Variants in MAP2 observed in about 807,000 individuals in gnomAD.
MAP2 encodes the protein microtubule associated protein 2.
A neutral mutation model predicts 137.6 loss-of-function variants in MAP2; 14 were observed. The ratio of observed to expected loss-of-function variants is 0.10; its 90% CI spans 0.07 to 0.16. The LOEUF is 0.16. MAP2 is among the 10% of genes least tolerant of loss of function. MAP2 has a pLI of 1.00. For missense variants in MAP2, 2,088 were observed against 2,191.5 expected, an observed-to-expected ratio of 0.95 and a Z score of 0.94; for synonymous variants, 786 against 782.3, an observed-to-expected ratio of 1.00 and a Z score of -0.08.
At chr2:209,532,372 A>G (rs1014219980) in intron 2 of MAP2, among the ~76,000 whole-genome samples, 1 of 152,138 alleles carries the variant, frequency 6.6e-6, no homozygotes, top group Non-Finnish European at 1.5e-5. Context: ...TTTCTTTATC[A>G]CATGCCTAAT....
intron 5 of MAP2, among the ~76,000 whole-genome samples, chr2:209,669,631 A>T (rs578153488): frequency 6.6e-6 from 1 of 151,988 alleles, no homozygotes; most frequent in Non-Finnish European, 1.5e-5. Flanking sequence ...TGGCATTCCT[A>T]TGTTTTGCAG....
chr2:209,463,929 T>C (rs1703495797), intron 1 of MAP2, among the ~76,000 whole-genome samples: 1 of 152,098 alleles, frequency 6.6e-6, no homozygotes, highest in Non-Finnish European at 1.5e-5. Flanking sequence ...TCTCAGTCGC[T>C]AGATTTAGAG....
Position 209,609,622 on chromosome 2 carries a change from C to T in MAP2, c.-106-15431C>T, listed in dbSNP as rs779124741. On this transcript the variant is annotated intron_variant, in intron 3 of 15. Transcript: ENST00000682079. The stretch of plus-strand genomic sequence containing the variant: ...GTAGAAGGCTTCTTTCACTTAGCAT[C>T]GTATTTTCAGTGTTCATGCATCATT... 4.9e-4 allele frequency among the ~76,000 whole-genome samples: 75 copies of T among 152,212 alleles called. 1 individual carries two copies. Among genetic ancestry groups the T allele is most frequent in the Admixed American group, 1.6e-3 (25 of 15,284 alleles).
intron 13 of MAP2, among the ~76,000 whole-genome samples, chr2:209,721,381 A>C (rs1340047037): frequency 6.6e-6 from 1 of 152,224 alleles, no homozygotes; most frequent in Non-Finnish European, 1.5e-5. Flanking sequence ...AGTGCCACTA[A>C]TGCATGTGAA....
chr2:209,611,899 G>GA (rs1382707069), intron 3 of MAP2, among the ~76,000 whole-genome samples: 1 of 152,008 alleles, frequency 6.6e-6, no homozygotes, highest in African/African-American at 2.4e-5. Context: ...GGAGTATAAA[G>GA]AAAAAACAAA....
chr2:209,567,730 AC>A (rs2073742372), intron 2 of MAP2, among the ~76,000 whole-genome samples: 1 of 152,110 alleles, frequency 6.6e-6, no homozygotes, highest in Non-Finnish European at 1.5e-5. Flanking sequence ...ATATAACATA[AC>A]ATGAACTCTT....
intron 2 of MAP2, among the ~76,000 whole-genome samples, chr2:209,539,151 A>G (rs1285754877): frequency 6.6e-6 from 1 of 152,174 alleles, no homozygotes; most frequent in Non-Finnish European, 1.5e-5. Flanking sequence ...TGATCCTGCA[A>G]TTGTCCAGAA....
intron 2 of MAP2, among the ~76,000 whole-genome samples, chr2:209,515,551 C>T (rs1371129984): frequency 6.6e-6 from 1 of 152,000 alleles, no homozygotes; most frequent in African/African-American, 2.4e-5. Flanking sequence ...AAACCATCAG[C>T]TCTTATGAGA....
chr2:209,510,239 GTTAAA>G (rs1338680907), intron 2 of MAP2, among the ~76,000 whole-genome samples: 2 of 151,828 alleles, frequency 1.3e-5, no homozygotes, highest in African/African-American at 2.4e-5. Flanking sequence ...TTTCACAAAA[GTTAAA>G]TTAAATTTTC....
At chr2:209,540,477 C>A (rs116300280) in intron 2 of MAP2, among the ~76,000 whole-genome samples, 6,516 of 150,714 alleles carry the variant, frequency 0.043, 259 homozygotes, top group East Asian at 0.21. Context: ...ACTAAAAATA[C>A]GAAAATTGCC....
rs1559371109 is a variant in MAP2, at chr2:209,593,637, ATATATAT to A, written c.-107+13538_-107+13544del. On this transcript the variant is annotated intron_variant, in intron 3 of 15. Transcript: ENST00000682079. The stretch of plus-strand genomic sequence containing the variant: ...GTCTCTACAAAAAAAAAAAAAAAAT[ATATATAT>A]ATATATATATATATATATATATATA... Among the ~76,000 whole-genome samples, 93 of 31,834 alleles carry A rather than the reference ATATATAT, an allele frequency of 2.9e-3. 8 individuals are homozygous for A. The highest frequency in any genetic ancestry group is 0.011 in the African/African-American group (77 of 6,810). The allele number at this position is 31,834 out of a possible 152,430, so 20.9% of individuals were successfully genotyped here.
chr2:209,594,307 T>C (rs2080634024), intron 3 of MAP2, among the ~76,000 whole-genome samples: 1 of 152,084 alleles, frequency 6.6e-6, no homozygotes, highest in African/African-American at 2.4e-5. Context: ...CATTAAAGAC[T>C]AGTTCTTATT....
At chr2:209,520,086 TG>T (rs2063060325) in intron 2 of MAP2, among the ~76,000 whole-genome samples, 1 of 152,066 alleles carries the variant, frequency 6.6e-6, no homozygotes, top group Non-Finnish European at 1.5e-5. Context: ...AATGTTAATG[TG>T]GGCCATCTGC....
intron 13 of MAP2, among the ~76,000 whole-genome samples, chr2:209,720,019 T>G (rs1454516129): frequency 2.0e-5 from 3 of 152,192 alleles, no homozygotes; most frequent in Non-Finnish European, 2.9e-5. Context: ...TAGGGAGAGA[T>G]AATAACATAA....
intron 15 of MAP2, 58 bp downstream of exon 15, chr2:209,730,020 CT>C (rs1180076491): frequency 2.3e-6 from 3 of 1,331,472 alleles, no homozygotes; most frequent in Non-Finnish European, 2.1e-6. Context: ...TTCTGAAATA[CT>C]CTTCATCAAA....
chr2:209,462,327 T>C (rs1703024887), intron 1 of MAP2, among the ~76,000 whole-genome samples: 1 of 152,164 alleles, frequency 6.6e-6, no homozygotes, highest in Non-Finnish European at 1.5e-5. Flanking sequence ...AGAACTGCAC[T>C]CCAGTGGTAT....
chr2:209,554,046 A>G (rs1327769137), intron 2 of MAP2, among the ~76,000 whole-genome samples: 2 of 152,228 alleles, frequency 1.3e-5, no homozygotes, highest in Non-Finnish European at 2.9e-5. Context: ...AAGGGATCCA[A>G]TGGGTGTGTT....
chr2:209,441,100 G>T (rs1486336897), intron 1 of MAP2, among the ~76,000 whole-genome samples: 1 of 151,478 alleles, frequency 6.6e-6, no homozygotes, highest in African/African-American at 2.4e-5. Context: ...TGTAAATAAT[G>T]ATACAAGTAA....
At chr2:209,523,110 GT>G (rs1308918768) in intron 2 of MAP2, among the ~76,000 whole-genome samples, 1 of 151,988 alleles carries the variant, frequency 6.6e-6, no homozygotes, top group Non-Finnish European at 1.5e-5. Context: ...TATTCTCCAT[GT>G]TTTTTTCTGT....
Sources: gnomAD v4.1 joint callset for allele counts (sites outside exome capture counted in the v4.1 genomes callset) on GRCh38, gnomAD v4.1.1 for gene constraint, MANE v1.5 for transcripts, NCBI Gene and HGNC (gene_info 2026-07-23, HGNC 2026-07-21) for gene names.